The following RETREG3 variants were observed in gnomAD, a reference collection of about 807,000 sequenced individuals.
RETREG3 encodes the protein reticulophagy regulator 3.
RETREG3 carries 23 observed loss-of-function variants against 50.2 expected under a neutral mutation model. The observed-to-expected ratio is 0.46, with a 90% CI of 0.33 to 0.65. The LOEUF is 0.65. Ranked by LOEUF, RETREG3 falls within the 30% of genes least tolerant of loss-of-function variation. The probability of loss-of-function intolerance (pLI) is 0.02; values close to 1 mark genes in which losing one functional copy is unlikely to be tolerated. For synonymous variants in RETREG3, 240 were observed against 234.4 expected (o/e 1.02, Z -0.22); for missense variants, 546 against 598.0 (o/e 0.91, Z 0.91).
At chr17:42,607,294 T>C (rs1458765148) in intron 1 of RETREG3, among the ~76,000 whole-genome samples, 1 of 151,188 alleles carries the variant, frequency 6.6e-6, no homozygotes, top group Non-Finnish European at 1.5e-5. Context: ...AGCCTAGGAG[T>C]TCGAGACCAG....
intron 1 of RETREG3, among the ~76,000 whole-genome samples, chr17:42,607,146 G>T (rs942765226): frequency 2.0e-5 from 3 of 152,132 alleles, no homozygotes; most frequent in Admixed American, 2.0e-4. Context: ...ACTCTTCAGT[G>T]AGGTGCTATA....
chr17:42,601,802 T>G (rs894953344), intron 1 of RETREG3, among the ~76,000 whole-genome samples: 5 of 151,096 alleles, frequency 3.3e-5, no homozygotes, highest in East Asian at 2.0e-4. Flanking sequence ...CCCGGCTGAT[T>G]TGGCATTTTT....
chr17:42,588,222 G>A (rs563697283), intron 2 of RETREG3, among the ~76,000 whole-genome samples: 8 of 152,286 alleles, frequency 5.3e-5, no homozygotes, highest in African/African-American at 9.6e-5. Context: ...CACAAGGTAC[G>A]TTGTAACAAC....
chr17:42,581,802 G>A lies in RETREG3; in HGVS notation c.*11C>T. 1.3e-6 allele frequency: 2 copies of A among 1,549,670 alleles called. No individual in the cohort carries two copies. Among genetic ancestry groups the A allele is most frequent in the East Asian group, 2.3e-5 (1 of 44,256 alleles). On this transcript the variant is annotated 3_prime_UTR_variant, in exon 9 of 9. Coordinates refer to ENST00000309428, the MANE Select transcript of RETREG3 (RefSeq NM_178126.4). ...CCTAAACCACAGTGACTCCCAAAAGGAGTCTCTGCCTCAGTGGCTCCTAGA... is the reference window on the plus strand; with the variant it reads ...CCTAAACCACAGTGACTCCCAAAAGAAGTCTCTGCCTCAGTGGCTCCTAGA...
At chr17:42,587,933 G>A in intron 2 of RETREG3, 69 bp from the exon 3 acceptor site, 2 of 1,555,672 alleles carry the variant, frequency 1.3e-6, no homozygotes, top group East Asian at 2.2e-5. Flanking sequence ...TTAGGCTGTT[G>A]GTCTGACAGC....
chr17:42,580,708 T>A lies in RETREG3; in HGVS notation c.*1105A>T, dbSNP rs1018173655. The stretch of plus-strand genomic sequence containing the variant: ...GGCTAGATGAGAGGGAGCAGGCCTG[T>A]TCTGCAAAACCAAAGGACAAGTTTG... On this transcript the variant is annotated 3_prime_UTR_variant, in exon 9 of 9. Transcript: ENST00000309428. The A allele has an allele frequency of 1.3e-5, 2 of 152,208 alleles. No individual in the cohort carries two copies. Among genetic ancestry groups the A allele is most frequent in the Non-Finnish European group, 2.9e-5 (2 of 67,976 alleles). The allele number at this position is 152,208 out of a possible 1,614,324, so 9.4% of individuals were successfully genotyped here.
chr17:42,600,268 ATT>A, intron 1 of RETREG3, among the ~76,000 whole-genome samples: 1 of 151,984 alleles, frequency 6.6e-6, no homozygotes, highest in East Asian at 1.9e-4. Flanking sequence ...TTGTACTCCC[ATT>A]TACTTGGGAA....
chr17:42,601,926 C>G (rs537495302), intron 1 of RETREG3, among the ~76,000 whole-genome samples: 1 of 151,994 alleles, frequency 6.6e-6, no homozygotes, highest in Non-Finnish European at 1.5e-5. Flanking sequence ...TGAGCCACTG[C>G]GCCCAGCCAA....
intron 1 of RETREG3, among the ~76,000 whole-genome samples, chr17:42,594,436 C>G (rs1473645618): frequency 1.3e-5 from 2 of 152,006 alleles, no homozygotes; most frequent in Non-Finnish European, 2.9e-5. Flanking sequence ...TGCCTGTAGT[C>G]CCAGCTACTC....
At chr17:42,585,639 A>T (rs542648574) in intron 5 of RETREG3, among the ~76,000 whole-genome samples, 1 of 152,378 alleles carries the variant, frequency 6.6e-6, no homozygotes, top group Admixed American at 6.5e-5. Flanking sequence ...AGCTGAGTAC[A>T]TGCCAACAGG....
rs571193936 is a variant in RETREG3, at chr17:42,608,885, G to A, written c.239+201C>T. The A allele has an allele frequency of 5.0e-3, 2,934 of 587,272 alleles. 12 individuals carry two copies. The highest frequency in any genetic ancestry group is 6.7e-3 in the Non-Finnish European group (2,259 of 335,426). The allele number at this position is 587,272 out of a possible 1,614,324, so 36.4% of individuals were successfully genotyped here. ...CGGGGGTGCGGGCACAGGTAAGGCAGAGAAGATGGGTGGACGGCCCTGGGA... is the reference window on the plus strand; with the variant it reads ...CGGGGGTGCGGGCACAGGTAAGGCAAAGAAGATGGGTGGACGGCCCTGGGA... On this transcript the variant is annotated intron_variant, in intron 1 of 8. Transcript: ENST00000309428.
At chr17:42,589,176 C>A (rs2093127535) in intron 2 of RETREG3, among the ~76,000 whole-genome samples, 1 of 152,002 alleles carries the variant, frequency 6.6e-6, no homozygotes, top group African/African-American at 2.4e-5. Context: ...GATTCACCAG[C>A]CATTAGATAG....
At chr17:42,593,872 A>G (rs1216592753) in intron 1 of RETREG3, among the ~76,000 whole-genome samples, 1 of 151,954 alleles carries the variant, frequency 6.6e-6, no homozygotes, top group Admixed American at 6.6e-5. Context: ...TTTTCCCCCT[A>G]AGTAACATGT....
Position 42,588,263 on chromosome 17 carries a change from A to AT in RETREG3, c.347-400dup, listed in dbSNP as rs200007991. On this transcript the variant is annotated intron_variant, in intron 2 of 8. Transcript: ENST00000309428. Reference sequence around the variant, plus strand: ...CCCTAGAAATCCACCTGTTGTGTTTATTTTTTTTGAGACAGAGTCTTCTCG... The same window carrying AT: ...CCCTAGAAATCCACCTGTTGTGTTTATTTTTTTTTGAGACAGAGTCTTCTCG... Among the ~76,000 whole-genome samples, 105 of 152,076 alleles carry AT rather than the reference A, an allele frequency of 6.9e-4. 2 individuals are homozygous for AT. The highest frequency in any genetic ancestry group is 2.5e-3 in the African/African-American group (103 of 41,482).
chr17:42,604,903 ACT>A (rs1399110256), intron 1 of RETREG3, among the ~76,000 whole-genome samples: 1 of 151,932 alleles, frequency 6.6e-6, no homozygotes, highest in African/African-American at 2.4e-5. Context: ...ATGCTTGTTG[ACT>A]CTCACATTCT....
intron 1 of RETREG3, among the ~76,000 whole-genome samples, chr17:42,596,359 C>CAAAAAAAAAAAAAAAAAAAA (rs60457978): frequency 3.1e-5 from 2 of 64,712 alleles, no homozygotes; most frequent in African/African-American, 6.6e-5. Context: ...GACCCTTTCT[C>CAAAAAAAAAAAAAAAAAAAA]AAAAAAAAAA....
intron 3 of RETREG3, 187 bp from the exon 4 acceptor site, chr17:42,587,078 G>C (rs758909607): frequency 2.6e-5 from 19 of 727,448 alleles, no homozygotes; most frequent in Non-Finnish European, 4.1e-5. Flanking sequence ...GGTACAAGGA[G>C]GACAAACTTG....
rs535148658 is a variant in RETREG3, at chr17:42,580,136, C to T, written c.*1677G>A. 1.3e-5 allele frequency: 2 copies of T among 152,532 alleles called. No homozygotes were observed. Among genetic ancestry groups the T allele is most frequent in the African/African-American group, 4.8e-5 (2 of 41,586 alleles). The allele number at this position is 152,532 out of a possible 1,614,324, so 9.4% of individuals were successfully genotyped here. A position where few individuals can be genotyped will look rare whatever the true frequency, so the allele number is the denominator to read the frequency against. Reference sequence around the variant, plus strand: ...CCATGTTTAGGTTTCTGTCTCACATCACATGATTTCACTAGGGGCTGCAGA... The same window carrying T: ...CCATGTTTAGGTTTCTGTCTCACATTACATGATTTCACTAGGGGCTGCAGA... On this transcript the variant is annotated 3_prime_UTR_variant, in exon 9 of 9. Transcript: ENST00000309428.
chr17:42,582,045 C>T lies in RETREG3; in HGVS notation c.1169G>A (p.Gly390Glu). ...GGCAAGGTTGCTGGTGAGGTTGGAT[C>T]CTACAGGAAGAGCACCAAGCAGGAG... ...PELLLGALPV[G>E]SNLTSNLASL... Residue 390 changes from glycine to glutamate, a missense_variant, in exon 9 of 9, where the codon GGA becomes GAA. By Grantham distance (98) the Gly-to-Glu change is moderately conservative. Coordinates refer to ENST00000309428, the MANE Select transcript of RETREG3 (RefSeq NM_178126.4). 6.2e-7 allele frequency: 1 copy of T among 1,614,064 alleles called. No homozygotes were observed.
Sources: gnomAD v4.1 joint callset for allele counts (sites outside exome capture counted in the v4.1 genomes callset) on GRCh38, gnomAD v4.1.1 for gene constraint, MANE v1.5 for transcripts, NCBI Gene and HGNC (gene_info 2026-07-23, HGNC 2026-07-21) for gene names.